The following AP2B1 variants were observed in gnomAD, a reference collection of about 807,000 sequenced individuals.
AP2B1 encodes the protein AP-2 complex subunit beta.
AP2B1 carries 23 observed loss-of-function variants against 102.0 expected under a neutral mutation model. The ratio of observed to expected loss-of-function variants is 0.23; its 90% CI spans 0.16 to 0.32. The LOEUF (loss-of-function observed/expected upper bound fraction) is 0.32. Among genes scored for constraint, AP2B1 ranks in the 10% least tolerant of loss-of-function variants. AP2B1 has a pLI of 1.00. For missense variants in AP2B1, 541 were observed against 1,157.4 expected, an observed-to-expected ratio of 0.47 and a Z score of 7.73; for synonymous variants, 381 against 421.2, an observed-to-expected ratio of 0.90 and a Z score of 1.17.
intron 2 of AP2B1, 95 bp downstream of exon 2, chr17:35,594,162 C>T: frequency 1.4e-6 from 1 of 725,602 alleles, no homozygotes; most frequent in African/African-American, 1.8e-5. Context: ...TTCCTTCAGA[C>T]ATACATGTAG....
At chr17:35,589,410 C>T (rs541974915) in intron 1 of AP2B1, among the ~76,000 whole-genome samples, 1 of 152,230 alleles carries the variant, frequency 6.6e-6, no homozygotes, top group South Asian at 2.1e-4. Context: ...ATTTAGCTTC[C>T]CAGAGAGCCA....
At chr17:35,613,888 A>G (rs1202016845) in intron 5 of AP2B1, among the ~76,000 whole-genome samples, 1 of 152,240 alleles carries the variant, frequency 6.6e-6, no homozygotes, top group Non-Finnish European at 1.5e-5. Context: ...ACCTCCATCC[A>G]GAATAAGGAA....
intron 12 of AP2B1, among the ~76,000 whole-genome samples, chr17:35,645,161 A>T (rs1267372134): frequency 6.6e-6 from 1 of 152,190 alleles, no homozygotes; most frequent in Non-Finnish European, 1.5e-5. Context: ...GTACCAATTT[A>T]AGTTTAGGAT....
chr17:35,720,601 A>G (rs1555592714), intron 21 of AP2B1, among the ~76,000 whole-genome samples: 1 of 34,602 alleles, frequency 2.9e-5, no homozygotes, highest in African/African-American at 9.2e-5. Flanking sequence ...TTTTTTTTTT[A>G]ATATAGAGAT....
In AP2B1 at chr17:35,593,077, C is replaced by T. The variant is rs78219747; in HGVS notation, c.-23-931C>T. ...CACCAGTTTGATTCTCGTGTCTGAA[C>T]GGATGTCTCAGTCTTTTGCCTTGTT... On this transcript the variant is annotated intron_variant, in intron 1 of 21. Coordinates refer to ENST00000610402, the MANE Select transcript of AP2B1 (RefSeq NM_001030006.2). Among the ~76,000 whole-genome samples, 47 of 152,240 alleles carry T rather than the reference C, an allele frequency of 3.1e-4. No individual in the cohort carries two copies. The East Asian group carries it at 8.7e-3, about 28-fold the overall frequency.
At chr17:35,608,019 C>T in intron 4 of AP2B1, 123 bp from the exon 5 acceptor site, 2 of 1,153,212 alleles carry the variant, frequency 1.7e-6, no homozygotes, top group South Asian at 1.5e-5. Flanking sequence ...AAGATTGGAG[C>T]TCATGTAGAA....
chr17:35,607,861 G>T, intron 4 of AP2B1: 1 of 281,376 alleles, frequency 3.6e-6, no homozygotes. Context: ...GCTGTGGGAT[G>T]GTACGAACTC....
At chr17:35,621,091 G>A (rs1373746851) in intron 5 of AP2B1, among the ~76,000 whole-genome samples, 2 of 152,120 alleles carry the variant, frequency 1.3e-5, no homozygotes, top group Non-Finnish European at 2.9e-5. Flanking sequence ...AGACTCTGGA[G>A]GAAGAGGAAG....
intron 1 of AP2B1, chr17:35,587,972 A>G (rs923953979): frequency 6.6e-6 from 1 of 152,158 alleles, no homozygotes; most frequent in Non-Finnish European, 1.5e-5. Context: ...AAGAAGAGGC[A>G]TTCCTTACTC....
chr17:35,634,484 T>A (rs2074551134), intron 9 of AP2B1, among the ~76,000 whole-genome samples: 1 of 152,214 alleles, frequency 6.6e-6, no homozygotes, highest in Non-Finnish European at 1.5e-5. Context: ...ACTTTTAGGA[T>A]CTCTGTTCTG....
At chr17:35,591,331 C>T (rs2073092490) in intron 1 of AP2B1, among the ~76,000 whole-genome samples, 1 of 152,016 alleles carries the variant, frequency 6.6e-6, no homozygotes, top group South Asian at 2.1e-4. Flanking sequence ...TGCTACCATG[C>T]CCGGCTAATT....
chr17:35,603,002 A>G (rs12945980), intron 3 of AP2B1, among the ~76,000 whole-genome samples: 11,928 of 152,290 alleles, frequency 0.078, 516 homozygotes, highest in Middle Eastern at 0.11. Flanking sequence ...CTACAGGTGC[A>G]TGAAACTACC....
chr17:35,614,921 C>T (rs1049169418), intron 5 of AP2B1, among the ~76,000 whole-genome samples: 2 of 152,152 alleles, frequency 1.3e-5, no homozygotes, highest in East Asian at 3.8e-4. Context: ...TGGTTCTCAA[C>T]CAGGAGTGAT....
At chr17:35,589,567 G>GT (rs1376737786) in intron 1 of AP2B1, among the ~76,000 whole-genome samples, 3 of 152,218 alleles carry the variant, frequency 2.0e-5, no homozygotes, top group Non-Finnish European at 4.4e-5. Context: ...TAGAAACTAG[G>GT]TTATGTTAAA....
intron 4 of AP2B1, 76 bp downstream of exon 4, chr17:35,605,916 G>T (rs967881798): frequency 1.9e-6 from 3 of 1,554,220 alleles, no homozygotes; most frequent in Middle Eastern, 1.7e-4. Context: ...AAGGAGTGTA[G>T]GGAAGTGTTG....
intron 14 of AP2B1, among the ~76,000 whole-genome samples, chr17:35,658,631 C>G (rs543458536): frequency 1.3e-5 from 2 of 152,140 alleles, no homozygotes; most frequent in Admixed American, 6.5e-5. Flanking sequence ...TAGACCCTTG[C>G]AAAAGAGATT....
At chr17:35,623,214 C>T (rs569002137) in intron 5 of AP2B1, among the ~76,000 whole-genome samples, 3 of 151,626 alleles carry the variant, frequency 2.0e-5, no homozygotes, top group African/African-American at 2.4e-5. Context: ...CTTCCTGCAG[C>T]TAAATGGATT....
intron 17 of AP2B1, among the ~76,000 whole-genome samples, chr17:35,674,745 G>A (rs1295287487): frequency 6.6e-6 from 1 of 152,220 alleles, no homozygotes; most frequent in African/African-American, 2.4e-5. Context: ...GATGCTGTAT[G>A]TAGAGTGAGC....
intron 9 of AP2B1, among the ~76,000 whole-genome samples, chr17:35,634,179 CTT>C (rs2142660308): frequency 6.6e-6 from 1 of 152,226 alleles, no homozygotes; most frequent in Admixed American, 6.5e-5. Context: ...TAATGTGTCT[CTT>C]AAGTCTTTTT....
Sources: gnomAD v4.1 joint callset for allele counts (sites outside exome capture counted in the v4.1 genomes callset) on GRCh38, gnomAD v4.1.1 for gene constraint, MANE v1.5 for transcripts, NCBI Gene and HGNC (gene_info 2026-07-23, HGNC 2026-07-21) for gene names.